Variants in CCDC191 observed in about 807,000 individuals in gnomAD.
The protein encoded by CCDC191 is coiled-coil domain containing 191.
In CCDC191, 99 loss-of-function variants were observed where a neutral mutation model predicts 114.0. That is an observed-to-expected ratio of 0.87 (90% CI 0.74 to 1.03). The LOEUF (loss-of-function observed/expected upper bound fraction) is 1.03, where lower values mean the gene tolerates loss of function less well. CCDC191 is among the 50% of genes least tolerant of loss of function. The pLI is 0.00. For missense variants in CCDC191, 973 were observed against 1,087.0 expected (o/e 0.90, Z 1.47); for synonymous variants, 351 against 376.0 (o/e 0.93, Z 0.77).
chr3:114,032,015 TATAG>T (rs2076412799), intron 6 of CCDC191, among the ~76,000 whole-genome samples: 1 of 152,158 alleles, frequency 6.6e-6, no homozygotes, highest in Non-Finnish European at 1.5e-5. Context: ...TAGAAAGTCT[TATAG>T]ATACTTTAGT....
intron 16 of CCDC191, among the ~76,000 whole-genome samples, chr3:113,971,759 C>A (rs1378663878): frequency 1.3e-5 from 2 of 151,678 alleles, no homozygotes; most frequent in African/African-American, 4.8e-5. Context: ...TGTATTAGTT[C>A]TTCTTTAAAA....
At chr3:114,023,973 T>C (rs1446938802) in intron 7 of CCDC191, among the ~76,000 whole-genome samples, 1 of 152,120 alleles carries the variant, frequency 6.6e-6, no homozygotes, top group East Asian at 1.9e-4. Context: ...AAAGGGCTAA[T>C]ATCCAGAATC....
intron 5 of CCDC191, among the ~76,000 whole-genome samples, chr3:114,035,435 T>G (rs60129450): frequency 0.048 from 7,261 of 152,264 alleles, 553 homozygotes; most frequent in African/African-American, 0.17. Context: ...TGGATTCTCA[T>G]TTAGGAATGA....
chr3:114,036,731 T>TATA lies in CCDC191; in HGVS notation c.468_470dup (p.Ile157dup). ...CCACATTTTTATGGAGCAGATGGTCTATAAATTTTTGAACGGTGGTACTTT... is the reference window on the plus strand; with the variant it reads ...CCACATTTTTATGGAGCAGATGGTCTATAATAAATTTTTGAACGGTGGTACTTT... On this transcript the variant is annotated inframe_insertion, in exon 5 of 17. Coordinates refer to ENST00000295878, the MANE Select transcript of CCDC191 (RefSeq NM_020817.2). 8.8e-6 allele frequency: 14 copies of TATA among 1,592,890 alleles called. No homozygotes were observed. Among genetic ancestry groups the TATA allele is most frequent in the Non-Finnish European group, 1.1e-5 (13 of 1,168,346 alleles).
chr3:113,998,695 G>A (rs73230272), intron 13 of CCDC191, among the ~76,000 whole-genome samples: 3,244 of 152,212 alleles, frequency 0.021, 53 homozygotes, highest in South Asian at 0.044. Flanking sequence ...GCTACCCGGT[G>A]GCAGGTTAAT....
rs115137198 is a variant in CCDC191 at position 114,004,653 on chromosome 3, C to T, written c.1962G>A (p.Pro654=). Residue 654 remains proline, a synonymous_variant, in exon 11 of 17, where the codon CCG becomes CCA. Coordinates refer to ENST00000295878, the MANE Select transcript of CCDC191 (RefSeq NM_020817.2). ...CAGCCCTGCCTTTTAGTATGGGATG[C>T]GGTGTCATCAATTGCTTTGGTTTCC... The part of the protein sequence containing the change: ...LRRKPKQLMT[P]HPILKAMEER... 1.5e-4 allele frequency: 246 copies of T among 1,611,804 alleles called. No individual in the cohort carries two copies. The African/African-American group carries it at 2.4e-3, about 16-fold the overall frequency.
At chr3:114,035,233 G>A in intron 5 of CCDC191, 85 bp from the exon 6 acceptor site, 1 of 949,840 alleles carries the variant, frequency 1.1e-6, no homozygotes, top group Non-Finnish European at 1.6e-6. Flanking sequence ...TTGAAGTTCA[G>A]AATACAACCA....
At chr3:113,968,955 CAT>C (rs1940513965) in intron 16 of CCDC191, among the ~76,000 whole-genome samples, 1 of 152,112 alleles carries the variant, frequency 6.6e-6, no homozygotes, top group Non-Finnish European at 1.5e-5. Context: ...ATGGCACTAG[CAT>C]CTGTTTCTAA....
chr3:114,042,196 T>C (rs1476845250), intron 4 of CCDC191, among the ~76,000 whole-genome samples: 1 of 152,184 alleles, frequency 6.6e-6, no homozygotes, highest in Non-Finnish European at 1.5e-5. Flanking sequence ...TAAATACAGT[T>C]GGCCCTCCCT....
At chr3:113,982,636 G>A (rs1405418608) in intron 13 of CCDC191, among the ~76,000 whole-genome samples, 1 of 150,578 alleles carries the variant, frequency 6.6e-6, no homozygotes, top group Non-Finnish European at 1.5e-5. Flanking sequence ...TTACAGCTAT[G>A]TTAAAAAAAA....
intron 13 of CCDC191, among the ~76,000 whole-genome samples, chr3:113,995,956 C>T (rs545906929): frequency 1.8e-4 from 24 of 131,784 alleles, no homozygotes; most frequent in Middle Eastern, 3.6e-3. Context: ...TATCCTTTGC[C>T]CACTTTTTGA....
In CCDC191 at chr3:114,005,695, G is replaced by A. The variant is rs1377235091; in HGVS notation, c.1681C>T (p.Gln561Ter). The change falls in exon 10 of 17, where the codon CAG becomes TAG. Residue 561 changes from glutamine (Q) to a stop codon, truncating the protein, a stop_gained. Transcript: ENST00000295878. LOFTEE classifies it high-confidence loss of function. ...HFHNRHVFQQ[Q>*]LIEKQKKKLQ... ...TTCTTCTTTTGCTTCTCAATCAGCT[G>A]TTGCTGGAAGACATGGCGGTTGTGG... 1.6e-5 allele frequency: 26 copies of A among 1,614,042 alleles called. No homozygotes were observed. Among genetic ancestry groups the A allele is most frequent in the Non-Finnish European group, 2.0e-5 (24 of 1,180,026 alleles).
rs74388627 is a variant in CCDC191, at chr3:113,991,952, A to T, written c.2163+9643T>A. Among the ~76,000 whole-genome samples the T allele has an allele frequency of 7.5e-4, 114 of 152,348 alleles. 1 individual carries two copies. Among genetic ancestry groups the T allele is most frequent in the African/African-American group, 2.6e-3 (110 of 41,586 alleles). On this transcript the variant is annotated intron_variant, in intron 13 of 16. Transcript: ENST00000295878. ...AGTAGTTAGGTACAAATCTAACAAA[A>T]TGTGAGATGTGAGGAAAGCTATAAA...
At chr3:113,993,849 C>T (rs1472215151) in intron 13 of CCDC191, among the ~76,000 whole-genome samples, 2 of 151,852 alleles carry the variant, frequency 1.3e-5, no homozygotes, top group Non-Finnish European at 2.9e-5. Context: ...CGTGCCACTG[C>T]ACTCCAGCCT....
chr3:114,056,366 A>G lies in CCDC191; in HGVS notation c.90+11T>C. Reference sequence around the variant, plus strand: ...AAGTCCCCGCCCTCCAAAGCTCTCGATTGGGATCACCTTGGGACTCGGCTT... The same window carrying G: ...AAGTCCCCGCCCTCCAAAGCTCTCGGTTGGGATCACCTTGGGACTCGGCTT... On this transcript the variant is annotated intron_variant, in intron 1 of 16. Coordinates refer to ENST00000295878, the MANE Select transcript of CCDC191 (RefSeq NM_020817.2). The G allele has an allele frequency of 1.2e-6, 2 of 1,613,778 alleles. No individual in the cohort carries two copies. The highest frequency in any genetic ancestry group is 1.7e-6 in the Non-Finnish European group (2 of 1,179,752).
rs17603649 is a variant in CCDC191, at chr3:114,018,721, G to A, written c.1120C>T (p.Arg374Trp). 57,743 of 1,611,782 alleles carry A rather than the reference G, an allele frequency of 0.036. 1,271 individuals carry two copies. The highest frequency in any genetic ancestry group is 0.04 in the Non-Finnish European group (46,751 of 1,178,834). Residue 374 changes from arginine to tryptophan, a missense_variant, in exon 8 of 17, where the codon CGG becomes TGG. Physicochemically the swap from Arg to Trp is moderately radical, Grantham distance 101. Coordinates refer to ENST00000295878, the MANE Select transcript of CCDC191 (RefSeq NM_020817.2). The part of the protein sequence containing the change: ...RDYTRFQKLE[R>W]ETQALENDLR... ...TCATTTTCCAAGGCTTGAGTCTCCC[G>A]CTCCAACTTCTGGAATCTTGTGTAG... is the stretch of plus-strand genomic sequence containing the variant.
intron 16 of CCDC191, among the ~76,000 whole-genome samples, chr3:113,971,187 G>A (rs1940787698): frequency 6.6e-6 from 1 of 152,200 alleles, no homozygotes; most frequent in Non-Finnish European, 1.5e-5. Context: ...CACCAACAGT[G>A]TAAAAGTGTT....
rs151181828 is a variant in CCDC191, at chr3:113,965,332, T to C, written c.2634A>G (p.Thr878=). 3 of 1,608,782 alleles carry C rather than the reference T, an allele frequency of 1.9e-6. No individual in the cohort carries two copies. Among genetic ancestry groups the C allele is most frequent in the East Asian group, 2.2e-5 (1 of 44,732 alleles). The part of the protein sequence containing the change: ...DRRILWITLR[T]WKKFVKFMKE... ...TCATAAATTTTACAAACTTCTTCCA[T>C]GTCCGAAGGGTGATCCAGAGGATCC... Residue 878 remains threonine (T), a synonymous_variant, in exon 17 of 17, where the codon ACA becomes ACG. Transcript: ENST00000295878.
intron 13 of CCDC191, among the ~76,000 whole-genome samples, chr3:113,991,169 G>A (rs2075548247): frequency 6.7e-6 from 1 of 150,294 alleles, no homozygotes; most frequent in African/African-American, 2.4e-5. Flanking sequence ...TCGGGAGGTG[G>A]AGGTTACAGT....
Sources: allele counts gnomAD v4.1 joint callset (sites outside exome capture counted in the v4.1 genomes callset), GRCh38; gene constraint gnomAD v4.1.1; transcripts MANE v1.5; gene names NCBI Gene and HGNC (gene_info 2026-07-23, HGNC 2026-07-21).